The following HOXC12 variants were observed in gnomAD, a reference collection of about 807,000 sequenced individuals.
HOXC12 encodes homeobox protein Hox-C12.
Under a neutral mutation model 20.9 loss-of-function variants are expected in HOXC12, and 24 were observed. The ratio of observed to expected loss-of-function variants is 1.15; its 90% CI spans 0.83 to 1.61. HOXC12 has a LOEUF of 1.61. HOXC12 is among the 40% of genes most tolerant of loss of function. The pLI is 0.00. For synonymous variants in HOXC12, 202 were observed against 197.7 expected, an observed-to-expected ratio of 1.02 and a Z score of -0.18; for missense variants, 436 against 406.9, an observed-to-expected ratio of 1.07 and a Z score of -0.62.
At chr12:53,955,852 C>T (rs1223681843) in intron 1 of HOXC12, among the ~76,000 whole-genome samples, 2 of 152,062 alleles carry the variant, frequency 1.3e-5, no homozygotes, top group Non-Finnish European at 2.9e-5. Flanking sequence ...TTCTCCCAGG[C>T]GCCTCTCCCT....
rs968854409 is a variant in HOXC12 at position 53,955,143 on chromosome 12, C to G, written c.214C>G (p.Pro72Ala). The G allele has an allele frequency of 2.5e-6, 4 of 1,610,856 alleles. No individual in the cohort carries two copies. The highest frequency in any genetic ancestry group is 3.4e-6 in the Non-Finnish European group (4 of 1,178,988). The change falls in exon 1 of 2, where the codon CCA becomes GCA. Residue 72 changes from proline (P) to alanine (A), a missense_variant. Pro to Ala is a conservative substitution (Grantham distance 27). Coordinates refer to ENST00000243103, the MANE Select transcript of HOXC12 (RefSeq NM_173860.3). ...CTACCCGCAGCCCTACCTCGGCAGC[C>G]CAGTGTCTCTCAACCCTCCCTTCGG... Reference protein sequence around the residue: ...NGYPQPYLGSPVSLNPPFGRT... With the variant: ...NGYPQPYLGSAVSLNPPFGRT...
Position 53,956,836 on chromosome 12 carries a change from T to G in HOXC12, c.*270T>G, listed in dbSNP as rs1355488639. On this transcript the variant is annotated 3_prime_UTR_variant, in exon 2 of 2. Transcript: ENST00000243103. ...GGCAGGGGCAGGAAGGCTGAGGTGCTGCGGGCTGGTTTATTTGAGGCAGGA... is the reference window on the plus strand; with the variant it reads ...GGCAGGGGCAGGAAGGCTGAGGTGCGGCGGGCTGGTTTATTTGAGGCAGGA... The G allele has an allele frequency of 2.8e-6, 1 of 353,454 alleles. No homozygotes were observed. The highest frequency in any genetic ancestry group is 2.1e-5 in the African/African-American group (1 of 47,356). 21.9% of individuals were successfully genotyped at this position (353,454 alleles called of 1,614,324 possible).
rs1938903577 is a variant in HOXC12, at chr12:53,958,357, T to A, written c.*1791T>A. On this transcript the variant is annotated 3_prime_UTR_variant, in exon 2 of 2. Transcript: ENST00000243103. The stretch of plus-strand genomic sequence containing the variant: ...AGCAGGCAGCCTCATAATCCCCACA[T>A]GGCCCAGCAGAATGGAGATAAAATC... The A allele has an allele frequency of 1.3e-5, 2 of 152,348 alleles. No homozygotes were observed. The highest frequency in any genetic ancestry group is 4.8e-5 in the African/African-American group (2 of 41,422). The allele number at this position is 152,348 out of a possible 1,614,324, so 9.4% of individuals were successfully genotyped here.
Position 53,956,521 on chromosome 12 carries a change from A to G in HOXC12, c.804A>G (p.Lys268=). Reference sequence around the variant, plus strand: ...TCTGGTTTCAGAACCGGAGAATGAAAAAGAAAAGACTTCTGTTGAGGGAGC... The same window carrying G: ...TCTGGTTTCAGAACCGGAGAATGAAGAAGAAAAGACTTCTGTTGAGGGAGC... The part of the protein sequence containing the change: ...VKIWFQNRRM[K]KKRLLLREQA... Residue 268 remains lysine (K), a synonymous_variant, in exon 2 of 2, where the codon AAA becomes AAG. Transcript: ENST00000243103. 6.2e-7 allele frequency: 1 copy of G among 1,614,068 alleles called. No homozygotes were observed. The highest frequency in any genetic ancestry group is 8.5e-7 in the Non-Finnish European group (1 of 1,179,982).
rs1170936463 is a variant in HOXC12, at chr12:53,956,574, G to A, written c.*8G>A. Reference sequence around the variant, plus strand: ...GCTCTCTCCTTCTTTTAAGGTGCAGGACACGGGCGCCAGCCCCAGACTGAG... The same window carrying A: ...GCTCTCTCCTTCTTTTAAGGTGCAGAACACGGGCGCCAGCCCCAGACTGAG... On this transcript the variant is annotated 3_prime_UTR_variant, in exon 2 of 2. Transcript: ENST00000243103. 6.3e-7 allele frequency: 1 copy of A among 1,594,502 alleles called. No homozygotes were observed. Among genetic ancestry groups the A allele is most frequent in the African/African-American group, 1.3e-5 (1 of 74,142 alleles).
chr12:53,955,929 A>T (rs1938859014), intron 1 of HOXC12, among the ~76,000 whole-genome samples: 1 of 152,104 alleles, frequency 6.6e-6, no homozygotes, highest in African/African-American at 2.4e-5. Flanking sequence ...TTACTCTGCC[A>T]TTCGCCCATA....
chr12:53,955,252 A>C lies in HOXC12; in HGVS notation c.323A>C (p.Lys108Thr). The C allele has an allele frequency of 6.5e-7, 1 of 1,537,596 alleles. No individual in the cohort carries two copies. The highest frequency in any genetic ancestry group is 8.7e-7 in the Non-Finnish European group (1 of 1,146,638). Residue 108 changes from lysine (K) to threonine (T), a missense_variant, in exon 1 of 2, where the codon AAG becomes ACG. Physicochemically the swap from Lys to Thr is moderately conservative, Grantham distance 78. Transcript: ENST00000243103. ...GCCGAGGGTGGCGGCGGGGGCCTGA[A>C]GCGTGAGGAGCGCGGGCGCGACCCG... is the stretch of plus-strand genomic sequence containing the variant. Reference protein sequence around the residue: ...PCAEGGGGGLKREERGRDPGA... With the variant: ...PCAEGGGGGLTREERGRDPGA...
chr12:53,955,562 C>A (rs1340801263), intron 1 of HOXC12, 23 bp downstream of exon 1: 5 of 1,389,832 alleles, frequency 3.6e-6, no homozygotes, highest in Non-Finnish European at 4.7e-6. Flanking sequence ...GCCACTCAAG[C>A]GGCGGATTCA....
Position 53,956,375 on chromosome 12 carries a change from C to T in HOXC12, c.658C>T (p.Pro220Ser), listed in dbSNP as rs745865686. 47 of 1,611,326 alleles carry T rather than the reference C, an allele frequency of 2.9e-5. No individual in the cohort carries two copies. The Admixed American group carries it at 7.7e-4, about 27-fold the overall frequency. ...CAGCCGCTCTCGGAAGAAGCGCAAGCCCTATTCGAAGTTGCAACTGGCAGA... is the reference window on the plus strand; with the variant it reads ...CAGCCGCTCTCGGAAGAAGCGCAAGTCCTATTCGAAGTTGCAACTGGCAGA... ...INSRSRKKRK[P>S]YSKLQLAELE... The change falls in exon 2 of 2, where the codon CCC becomes TCC. Residue 220 changes from proline to serine, a missense_variant. By Grantham distance (74) the Pro-to-Ser change is moderately conservative (BLOSUM62 -1). Coordinates refer to ENST00000243103, the MANE Select transcript of HOXC12 (RefSeq NM_173860.3).
In HOXC12 at chr12:53,957,488, TGGGGCTAC is replaced by T. The variant is rs1346976231; in HGVS notation, c.*925_*932del. The T allele has an allele frequency of 6.6e-6, 1 of 152,328 alleles. No homozygotes were observed. The highest frequency in any genetic ancestry group is 2.4e-5 in the African/African-American group (1 of 41,464). The allele number at this position is 152,328 out of a possible 1,614,324, so 9.4% of individuals were successfully genotyped here. ...GAAAGAAAGTGCAAGAGGCTGTAGA[TGGGGCTAC>T]GGAGCACCACACTGATTGGCCGGGA... On this transcript the variant is annotated 3_prime_UTR_variant, in exon 2 of 2. Coordinates refer to ENST00000243103, the MANE Select transcript of HOXC12 (RefSeq NM_173860.3).
rs1417049331 is a variant in HOXC12, at chr12:53,957,732, C to A, written c.*1166C>A. ...ATGAAGGAGGGGGGCGCTCCAGCCC[C>A]CCACCCAACTCCCTTCTCTCTTCCT... On this transcript the variant is annotated 3_prime_UTR_variant, in exon 2 of 2. Transcript: ENST00000243103. The A allele has an allele frequency of 6.6e-6, 1 of 152,400 alleles. No individual in the cohort carries two copies. Among genetic ancestry groups the A allele is most frequent in the Non-Finnish European group, 1.5e-5 (1 of 68,184 alleles). 9.4% of individuals were successfully genotyped at this position (152,400 alleles called of 1,614,324 possible).
rs751041177 is a variant in HOXC12, at chr12:53,955,513, A to T, written c.584A>T (p.Asn195Ile). Residue 195 changes from asparagine (N) to isoleucine (I), a missense_variant, in exon 1 of 2, where the codon AAC (asparagine) becomes ATC (isoleucine). Physicochemically the swap from Asn to Ile is moderately radical, Grantham distance 149. Coordinates refer to ENST00000243103, the MANE Select transcript of HOXC12 (RefSeq NM_173860.3). The stretch of plus-strand genomic sequence containing the variant: ...CCCGGCAGCTTGGTATCGCCGTTGA[A>T]CCCCGGCGGCGGGCTCTCGGCCAGC... ...GDPGSLVSPLNPGGGLSASGA... is the reference protein window; with the variant it reads ...GDPGSLVSPLIPGGGLSASGA... The T allele has an allele frequency of 9.8e-5, 143 of 1,463,328 alleles. 1 individual carries two copies. In the Middle Eastern group the frequency reaches 3.2e-3, roughly 33 times the overall value. 90.6% of individuals were successfully genotyped at this position (1,463,328 alleles called of 1,614,324 possible).
chr12:53,955,217 C>T lies in HOXC12; in HGVS notation c.288C>T (p.Arg96=). 5.6e-6 allele frequency: 9 copies of T among 1,602,096 alleles called. No homozygotes were observed. Among genetic ancestry groups the T allele is most frequent in the Non-Finnish European group, 7.7e-6 (9 of 1,174,550 alleles). The change falls in exon 1 of 2, where the codon CGC becomes CGT. Residue 96 remains arginine (R), a synonymous_variant. Coordinates refer to ENST00000243103, the MANE Select transcript of HOXC12 (RefSeq NM_173860.3). ...TGGAGGACGGCAAGGGTTACTACCG[C>T]GAGCCGTGCGCCGAGGGTGGCGGCG... ...ARVEDGKGYY[R]EPCAEGGGGG... is the part of the protein sequence containing the mutation.
In HOXC12 at chr12:53,955,040, C is replaced by T. The variant is rs752837332; in HGVS notation, c.111C>T (p.Pro37=). 2.2e-5 allele frequency: 36 copies of T among 1,613,862 alleles called. No homozygotes were observed. The highest frequency in any genetic ancestry group is 3.0e-5 in the Non-Finnish European group (35 of 1,179,984). The stretch of plus-strand genomic sequence containing the variant: ...TCCGCGCGTCCGGGGCGCAGCTTCC[C>T]GGGCTGCCTTCGCTGTCCTACCCAC... ...PNFRASGAQL[P]GLPSLSYPRR... The change falls in exon 1 of 2, where the codon CCC becomes CCT. Residue 37 remains proline, a synonymous_variant. Coordinates refer to ENST00000243103, the MANE Select transcript of HOXC12 (RefSeq NM_173860.3).
At position 53,956,630 on chromosome 12, in the gene HOXC12, C is replaced by A; in HGVS notation, c.*64C>A. ...CCCTGGCAGAGAGCAAAAGAGGGCG[C>A]CGCCTAGAACACAGTCCCCACTTAG... On this transcript the variant is annotated 3_prime_UTR_variant, in exon 2 of 2. Transcript: ENST00000243103. 8.3e-7 allele frequency: 1 copy of A among 1,206,438 alleles called. No individual in the cohort carries two copies. The highest frequency in any genetic ancestry group is 1.2e-6 in the Non-Finnish European group (1 of 850,138). 74.7% of individuals were successfully genotyped at this position (1,206,438 alleles called of 1,614,324 possible). A position where few individuals can be genotyped will look rare whatever the true frequency, so the allele number is the denominator to read the frequency against.
rs373624523 is a variant in HOXC12, at chr12:53,956,543, G to C, written c.826G>C (p.Glu276Gln). The change falls in exon 2 of 2, where the codon GAG (glutamate) becomes CAG (glutamine). Residue 276 changes from glutamate to glutamine, a missense_variant. Physicochemically the swap from Glu to Gln is conservative, Grantham distance 29. Coordinates refer to ENST00000243103, the MANE Select transcript of HOXC12 (RefSeq NM_173860.3). ...GAAAAAGAAAAGACTTCTGTTGAGG[G>C]AGCAAGCTCTCTCCTTCTTTTAAGG... ...RMKKKRLLLR[E>Q]QALSFF 3.1e-6 allele frequency: 5 copies of C among 1,612,754 alleles called. No individual in the cohort carries two copies. In the East Asian group the frequency reaches 8.9e-5, roughly 29 times the overall value.
At position 53,958,626 on chromosome 12, in the gene HOXC12, C is replaced by G. The variant is rs1406757199; in HGVS notation, c.*2060C>G. 1 of 152,246 alleles carries G rather than the reference C, an allele frequency of 6.6e-6. No homozygotes were observed. The highest frequency in any genetic ancestry group is 1.5e-5 in the Non-Finnish European group (1 of 68,056). 9.4% of individuals were successfully genotyped at this position (152,246 alleles called of 1,614,324 possible). A position where few individuals can be genotyped will look rare whatever the true frequency, so the allele number is the denominator to read the frequency against. ...TGGATTTGAGCTCTACCACTCCAGA[C>G]TAACCTGATTCCCAATCTAATAATG... On this transcript the variant is annotated 3_prime_UTR_variant, in exon 2 of 2. Coordinates refer to ENST00000243103, the MANE Select transcript of HOXC12 (RefSeq NM_173860.3).
Position 53,956,589 on chromosome 12 carries a change from C to A in HOXC12, c.*23C>A. 1.3e-6 allele frequency: 2 copies of A among 1,563,214 alleles called. No homozygotes were observed. The highest frequency in any genetic ancestry group is 2.2e-5 in the East Asian group (1 of 44,532). ...TAAGGTGCAGGACACGGGCGCCAGC[C>A]CCAGACTGAGCCTGTCCCTGGCAGA... On this transcript the variant is annotated 3_prime_UTR_variant, in exon 2 of 2. Transcript: ENST00000243103.
intron 1 of HOXC12, among the ~76,000 whole-genome samples, chr12:53,955,806 G>A (rs1403623039): frequency 4.0e-5 from 6 of 151,542 alleles, no homozygotes; most frequent in Non-Finnish European, 7.4e-5. Context: ...CCCAGGCCTG[G>A]GGGTGAGGAG....
Sources: allele counts gnomAD v4.1 joint callset (sites outside exome capture counted in the v4.1 genomes callset), GRCh38; gene constraint gnomAD v4.1.1; transcripts MANE v1.5; gene names NCBI Gene and HGNC (gene_info 2026-07-23, HGNC 2026-07-21).